The following OR51B5 variants were observed in gnomAD, a reference collection of about 807,000 sequenced individuals.
OR51B5 encodes the protein olfactory receptor family 51 subfamily B member 5.
For missense variants in OR51B5, 456 were observed against 374.6 expected, an observed-to-expected ratio of 1.22 and a Z score of -1.79; for synonymous variants, 186 against 144.8, an observed-to-expected ratio of 1.28 and a Z score of -2.04.
Position 5,447,332 on chromosome 11 carries a change from A to T in OR51B5, n.84+58237T>A, listed in dbSNP as rs4243960. 4.6e-5 allele frequency among the ~76,000 whole-genome samples: 7 copies of T among 152,064 alleles called. No individual in the cohort carries two copies. The East Asian group carries it at 1.4e-3, about 30-fold the overall frequency. ...CACTCCACTCCCCTGCCTCAGACAGAGTCTCTAGTGTGAGCTGCATCTCTT... is the reference window on the plus strand; with the variant it reads ...CACTCCACTCCCCTGCCTCAGACAGTGTCTCTAGTGTGAGCTGCATCTCTT... On this transcript the variant is annotated intron_variant and non_coding_transcript_variant, in intron 1 of 4. Transcript: ENST00000415970.
At chr11:5,456,333 AAT>A (rs1850958428) in intron 1 of OR51B5, 1 of 152,150 alleles carries the variant, frequency 6.6e-6, no homozygotes, top group Non-Finnish European at 1.5e-5. Flanking sequence ...TTCAGGTTCT[AAT>A]GGAAAATGCA....
intron 1 of OR51B5, among the ~76,000 whole-genome samples, chr11:5,398,299 T>C (rs1006200995): frequency 2.0e-5 from 3 of 152,244 alleles, no homozygotes; most frequent in Admixed American, 1.3e-4. Context: ...ACTGACTCTA[T>C]ATCTTTGCTT....
At chr11:5,358,401 G>T (rs1223336433) in intron 1 of OR51B5, among the ~76,000 whole-genome samples, 2 of 152,152 alleles carry the variant, frequency 1.3e-5, no homozygotes, top group Non-Finnish European at 2.9e-5. Flanking sequence ...AGAAGAAATG[G>T]ATAAATTCCT....
rs542033785 is a variant in OR51B5, at chr11:5,412,360, C to T, written n.85-65450G>A. ...TCCAGTCTACAGCTCCCAGCGTGAG[C>T]GATGCAGAAGACGGGTGATTTCTGC... On this transcript the variant is annotated intron_variant and non_coding_transcript_variant, in intron 1 of 4. Transcript: ENST00000415970. Among the ~76,000 whole-genome samples the T allele has an allele frequency of 4.9e-4, 75 of 152,288 alleles. No individual in the cohort carries two copies. The South Asian group carries it at 0.012, about 25-fold the overall frequency.
intron 1 of OR51B5, among the ~76,000 whole-genome samples, chr11:5,457,601 C>G (rs1302232131): frequency 6.6e-6 from 1 of 152,126 alleles, no homozygotes; most frequent in Non-Finnish European, 1.5e-5. Flanking sequence ...TATAAGTGTT[C>G]CATTTTCTCT....
At chr11:5,378,158 A>T (rs974216453) in intron 1 of OR51B5, among the ~76,000 whole-genome samples, 1 of 151,962 alleles carries the variant, frequency 6.6e-6, no homozygotes, top group African/African-American at 2.4e-5. Context: ...ATAACGACGC[A>T]TATCTACAAC....
At chr11:5,349,802 C>T (rs770912893) in intron 1 of OR51B5, among the ~76,000 whole-genome samples, 2 of 152,052 alleles carry the variant, frequency 1.3e-5, no homozygotes, top group Non-Finnish European at 2.9e-5. Context: ...CCTCTACTTC[C>T]CTCAGTCCCA....
At chr11:5,441,541 AC>A in intron 1 of OR51B5, 1 of 1,551,928 alleles carries the variant, frequency 6.4e-7, no homozygotes, top group Non-Finnish European at 8.8e-7. Context: ...TAGGGAATGG[AC>A]CCAAGAGGGT....
intron 1 of OR51B5, among the ~76,000 whole-genome samples, chr11:5,461,582 G>A (rs1851054423): frequency 6.6e-6 from 1 of 152,148 alleles, no homozygotes; most frequent in South Asian, 2.1e-4. Flanking sequence ...TTGGGGTAAT[G>A]GGCATCCATG....
intron 1 of OR51B5, among the ~76,000 whole-genome samples, chr11:5,496,873 A>G (rs1040731254): frequency 6.6e-6 from 1 of 152,154 alleles, no homozygotes; most frequent in African/African-American, 2.4e-5. Flanking sequence ...TCCCTCCAAG[A>G]GTCAAATGGT....
At chr11:5,458,770 T>C (rs1465084416) in intron 1 of OR51B5, among the ~76,000 whole-genome samples, 4 of 152,218 alleles carry the variant, frequency 2.6e-5, no homozygotes, top group Admixed American at 6.5e-5. Context: ...ATGTTATTGA[T>C]ATGTAGAAAT....
At chr11:5,434,129 T>C (rs947371499) in intron 1 of OR51B5, among the ~76,000 whole-genome samples, 4 of 152,170 alleles carry the variant, frequency 2.6e-5, no homozygotes, top group East Asian at 3.8e-4. Flanking sequence ...CCCATACCGA[T>C]TAAAGTAGAA....
intron 1 of OR51B5, among the ~76,000 whole-genome samples, chr11:5,351,117 T>G (rs925831268): frequency 2.6e-5 from 4 of 152,198 alleles, no homozygotes; most frequent in Non-Finnish European, 4.4e-5. Flanking sequence ...CCAGTCAGGA[T>G]GAAGAGCACC....
intron 1 of OR51B5, among the ~76,000 whole-genome samples, chr11:5,449,130 G>T (rs964619790): frequency 1.3e-5 from 2 of 152,152 alleles, no homozygotes; most frequent in Admixed American, 1.3e-4. Context: ...GCAGAGAATT[G>T]GTCTGACAGA....
At chr11:5,396,324 T>C (rs952149759) in intron 1 of OR51B5, among the ~76,000 whole-genome samples, 17 of 152,190 alleles carry the variant, frequency 1.1e-4, no homozygotes, top group South Asian at 8.3e-4. Context: ...GAAAACCCCA[T>C]TGTCTCAGCC....
intron 1 of OR51B5, among the ~76,000 whole-genome samples, chr11:5,367,217 A>G (rs553368305): frequency 1.1e-4 from 17 of 152,352 alleles, no homozygotes; most frequent in African/African-American, 4.1e-4. Flanking sequence ...TTGAAGTTAA[A>G]AGCATTGCCA....
At chr11:5,353,570 G>C (rs1461259255) in intron 1 of OR51B5, among the ~76,000 whole-genome samples, 1 of 152,210 alleles carries the variant, frequency 6.6e-6, no homozygotes, top group African/African-American at 2.4e-5. Flanking sequence ...TCTTTTCAGA[G>C]TCTAGGCATG....
chr11:5,497,069 A>AGG, intron 1 of OR51B5, among the ~76,000 whole-genome samples: 2 of 151,102 alleles, frequency 1.3e-5, no homozygotes, highest in Admixed American at 1.3e-4. Flanking sequence ...AAAAAAAGAG[A>AGG]GAGGAAAGGA....
At chr11:5,502,559 T>C (rs1846312452) in intron 1 of OR51B5, among the ~76,000 whole-genome samples, 2 of 152,226 alleles carry the variant, frequency 1.3e-5, no homozygotes, top group African/African-American at 4.8e-5. Flanking sequence ...TGCATGAAAT[T>C]TGTTGTAATT....
Sources: allele counts gnomAD v4.1 joint callset (sites outside exome capture counted in the v4.1 genomes callset), GRCh38; gene constraint gnomAD v4.1.1; transcripts MANE v1.5; gene names NCBI Gene and HGNC (gene_info 2026-07-23, HGNC 2026-07-21).